RGS9: variants seen among roughly 807,000 people sequenced by gnomAD.
The protein encoded by RGS9 is regulator of G-protein signalling 9.
A neutral mutation model predicts 102.0 loss-of-function variants in RGS9; 78 were observed. The ratio of observed to expected loss-of-function variants is 0.76; its 90% confidence interval spans 0.64 to 0.92. The LOEUF (loss-of-function observed/expected upper bound fraction) is 0.92. Ranked by LOEUF, RGS9 falls within the 40% of genes least tolerant of loss-of-function variation. The pLI, the probability that RGS9 is intolerant of heterozygous loss-of-function variation, is 0.00. For missense variants in RGS9, 833 were observed against 866.1 expected (o/e 0.96, Z 0.48); for synonymous variants, 353 against 318.6 (o/e 1.11, Z -1.15).
At chr17:65,161,567 G>C (rs115730046) in intron 6 of RGS9, among the ~76,000 whole-genome samples, 1,806 of 151,644 alleles carry the variant, frequency 0.012, 44 homozygotes, top group African/African-American at 0.042. Flanking sequence ...TTCAATTTAT[G>C]ATGGGAAAAC....
chr17:65,221,449 T>C (rs1913704527), intron 17 of RGS9, among the ~76,000 whole-genome samples: 2 of 152,212 alleles, frequency 1.3e-5, no homozygotes, highest in Admixed American at 6.5e-5. Context: ...GCCGAGTTCC[T>C]AGTTTTGGTA....
intron 1 of RGS9, among the ~76,000 whole-genome samples, chr17:65,145,100 A>T (rs1321740365): frequency 6.6e-6 from 1 of 151,752 alleles, no homozygotes; most frequent in African/African-American, 2.4e-5. Flanking sequence ...TTATTTTTTT[A>T]TTTTTATTGA....
intron 13 of RGS9, among the ~76,000 whole-genome samples, chr17:65,201,266 G>C (rs1912829363): frequency 6.6e-6 from 1 of 152,188 alleles, no homozygotes; most frequent in African/African-American, 2.4e-5. Context: ...GAAGGATTTG[G>C]GGGAACCTGG....
intron 18 of RGS9, 115 bp downstream of exon 18, chr17:65,225,601 C>T: frequency 6.8e-7 from 1 of 1,471,096 alleles, no homozygotes; most frequent in South Asian, 1.2e-5. Context: ...ACAGATACCC[C>T]AGGCAGCCCA....
intron 1 of RGS9, among the ~76,000 whole-genome samples, chr17:65,139,226 C>A (rs1910056646): frequency 6.9e-6 from 1 of 145,300 alleles, no homozygotes; most frequent in Non-Finnish European, 1.5e-5. Flanking sequence ...TAACTTACCT[C>A]TCCTCTACCC....
Position 65,137,436 on chromosome 17 carries a change from G to A in RGS9, c.-105G>A, listed in dbSNP as rs959760863. The A allele has an allele frequency of 6.7e-6, 8 of 1,197,106 alleles. No individual in the cohort carries two copies. In the East Asian group the frequency reaches 1.7e-4, roughly 25 times the overall value. The allele number at this position is 1,197,106 out of a possible 1,614,324, so 74.2% of individuals were successfully genotyped here. ...GCCCTCCCCGCCCAGCCGCCTCCCC[G>A]TCGACGCCCAGGGCTGGGGCGAGCC... On this transcript the variant is annotated 5_prime_UTR_variant, in exon 1 of 19. Coordinates refer to ENST00000262406, the MANE Select transcript of RGS9 (RefSeq NM_003835.4).
Position 65,225,235 on chromosome 17 carries a change from C to G in RGS9, c.1641C>G (p.Ala547=). ...EQKGECSGSM[A]PRGPSVTESS... ...AAGGGGAGTGCAGCGGGTCCATGGC[C>G]CCCCGTGGGCCCTCTGTCACCGAGA... Residue 547 remains alanine, a synonymous_variant, in exon 18 of 19, where the codon GCC becomes GCG. Coordinates refer to ENST00000262406, the MANE Select transcript of RGS9 (RefSeq NM_003835.4). 3 of 1,610,904 alleles carry G rather than the reference C, an allele frequency of 1.9e-6. No individual in the cohort carries two copies. Among genetic ancestry groups the G allele is most frequent in the Non-Finnish European group, 2.5e-6 (3 of 1,179,974 alleles).
chr17:65,138,207 T>G (rs1342706943), intron 1 of RGS9, among the ~76,000 whole-genome samples: 4 of 151,948 alleles, frequency 2.6e-5, no homozygotes, highest in Non-Finnish European at 4.4e-5. Context: ...ATGTGGGAGG[T>G]GGAATGCACC....
Position 65,160,302 on chromosome 17 carries a change from T to C in RGS9, c.275T>C (p.Leu92Pro). The C allele has an allele frequency of 6.2e-7, 1 of 1,614,216 alleles. No individual in the cohort carries two copies. The highest frequency in any genetic ancestry group is 1.1e-5 in the South Asian group (1 of 91,084). ...YIYPLQDPKN[L>P]ILKPDGSLYR... ...TACCCCCTGCAAGACCCCAAGAATC[T>C]CATTCTCAAGCCTGATGGCAGCCTC... Residue 92 changes from leucine to proline, a missense_variant, in exon 4 of 19, where the codon CTC becomes CCC. Transcript: ENST00000262406.
chr17:65,141,358 C>A (rs765937745), intron 1 of RGS9, among the ~76,000 whole-genome samples: 34 of 152,202 alleles, frequency 2.2e-4, no homozygotes, highest in Non-Finnish European at 3.8e-4. Context: ...GTACCACCAC[C>A]GCCCTTGGGA....
At chr17:65,217,329 A>G (rs1476244539) in intron 17 of RGS9, among the ~76,000 whole-genome samples, 1 of 152,214 alleles carries the variant, frequency 6.6e-6, no homozygotes, top group Non-Finnish European at 1.5e-5. Context: ...CCCACACAGG[A>G]CTTTATGTGA....
At chr17:65,144,296 C>A (rs982725725) in intron 1 of RGS9, among the ~76,000 whole-genome samples, 13 of 152,176 alleles carry the variant, frequency 8.5e-5, no homozygotes, top group African/African-American at 2.9e-4. Flanking sequence ...AAAATTCCAG[C>A]CCCAGAGATC....
chr17:65,199,398 T>A (rs1912727224), intron 13 of RGS9, among the ~76,000 whole-genome samples: 1 of 151,934 alleles, frequency 6.6e-6, no homozygotes, highest in South Asian at 2.1e-4. Flanking sequence ...GTAAACGAAA[T>A]CATGCAATAT....
At chr17:65,160,789 G>A in intron 5 of RGS9, 62 bp from the exon 6 acceptor site, 1 of 1,540,972 alleles carries the variant, frequency 6.5e-7, no homozygotes. Flanking sequence ...CTCAGGCTTA[G>A]GGAGGCTGCA....
chr17:65,189,678 C>T (rs1912284524), intron 10 of RGS9, among the ~76,000 whole-genome samples: 1 of 152,168 alleles, frequency 6.6e-6, no homozygotes, highest in East Asian at 1.9e-4. Context: ...CCTATTTTGG[C>T]AAATCTTATG....
chr17:65,221,401 A>C (rs1013112201), intron 17 of RGS9, among the ~76,000 whole-genome samples: 2 of 152,214 alleles, frequency 1.3e-5, no homozygotes, highest in African/African-American at 4.8e-5. Context: ...ATTCTGAGGA[A>C]GTGGAATGGA....
chr17:65,189,243 T>G (rs1347250244), intron 9 of RGS9, 43 bp from the exon 10 acceptor site: 1 of 1,567,050 alleles, frequency 6.4e-7, no homozygotes, highest in Non-Finnish European at 8.8e-7. Flanking sequence ...ACTGTAATGA[T>G]TTCATGACAT....
At position 65,220,446 on chromosome 17, in the gene RGS9, G is replaced by A. The variant is rs560267077; in HGVS notation, c.1408-4556G>A. Among the ~76,000 whole-genome samples, 275 of 152,246 alleles carry A rather than the reference G, an allele frequency of 1.8e-3. 2 individuals carry two copies. Among genetic ancestry groups the A allele is most frequent in the African/African-American group, 6.3e-3 (260 of 41,510 alleles). ...TCTGGAGTTTCATGGCTGAAGTAAG[G>A]GTCGTTGCTAACTGAGAAGGTCTTG... On this transcript the variant is annotated intron_variant, in intron 17 of 18. Transcript: ENST00000262406.
At chr17:65,139,599 T>C (rs1403013939) in intron 1 of RGS9, among the ~76,000 whole-genome samples, 1 of 152,134 alleles carries the variant, frequency 6.6e-6, no homozygotes, top group Non-Finnish European at 1.5e-5. Context: ...GGGAAAGTCC[T>C]TTCTCCCCCT....
Sources: allele counts gnomAD v4.1 joint callset (sites outside exome capture counted in the v4.1 genomes callset), GRCh38; gene constraint gnomAD v4.1.1; transcripts MANE v1.5; gene names NCBI Gene and HGNC (gene_info 2026-07-23, HGNC 2026-07-21).